The following STK10 variants were observed in gnomAD, a reference collection of about 807,000 sequenced individuals.
The protein encoded by STK10 is serine/threonine-protein kinase 10.
Under a neutral mutation model 113.8 loss-of-function variants are expected in STK10, and 78 were observed. The observed-to-expected ratio is 0.69, with a 90% CI of 0.57 to 0.83. STK10 has a LOEUF of 0.83. Ranked by LOEUF, STK10 falls within the 40% of genes least tolerant of loss-of-function variation. STK10 has a pLI of 0.00. For missense variants in STK10, 1,109 were observed against 1,280.1 expected, an observed-to-expected ratio of 0.87 and a Z score of 2.04; for synonymous variants, 465 against 494.7, an observed-to-expected ratio of 0.94 and a Z score of 0.80.
Position 172,120,615 on chromosome 5 carries a change from C to A in STK10, c.371-2985G>T, listed in dbSNP as rs1448961049. On this transcript the variant is annotated intron_variant, in intron 3 of 18. Transcript: ENST00000176763. This position sits in a 1 kb window ranked among gnomAD's most constrained non-coding sequence, Gnocchi z 4.0. ...CTGGCAAGTCGCCCAAGCTCTCTGG[C>A]CCTTCATTTCCTGGTCTGTGAAATG... 6.6e-6 allele frequency among the ~76,000 whole-genome samples: 1 copy of A among 152,178 alleles called. No individual in the cohort carries two copies. Among genetic ancestry groups the A allele is most frequent in the Non-Finnish European group, 1.5e-5 (1 of 68,036 alleles).
At chr5:172,151,017 C>T (rs998173572) in intron 2 of STK10, among the ~76,000 whole-genome samples, 6 of 152,234 alleles carry the variant, frequency 3.9e-5, no homozygotes, top group African/African-American at 1.4e-4. Context: ...CAGTGCATAT[C>T]TACCATGGAC....
intron 2 of STK10, among the ~76,000 whole-genome samples, chr5:172,152,490 GCAGT>G (rs559645601): frequency 1.0e-3 from 158 of 152,296 alleles, no homozygotes; most frequent in African/African-American, 3.7e-3. Flanking sequence ...AGGCCTTCTT[GCAGT>G]CACTCATTTT....
intron 7 of STK10, among the ~76,000 whole-genome samples, chr5:172,103,522 GC>G (rs1561808588): frequency 1.3e-5 from 2 of 152,086 alleles, no homozygotes; most frequent in Non-Finnish European, 2.9e-5. Context: ...GGCAGGAGGT[GC>G]CTCTTACAGG....
chr5:172,181,959 T>C (rs1201559512), intron 1 of STK10, among the ~76,000 whole-genome samples: 1 of 152,206 alleles, frequency 6.6e-6, no homozygotes, highest in Non-Finnish European at 1.5e-5. Context: ...TTCTTCTTAA[T>C]TGCTGCTATT....
In STK10 at chr5:172,133,059, A is replaced by G. The variant is rs1769788519; in HGVS notation, c.322-5638T>C. ...CAGAACACAGAAGCAGAGGTGGGGC[A>G]GCAGGGAAAAGCGTGGAAGCGGGTA... On this transcript the variant is annotated intron_variant, in intron 2 of 18. Transcript: ENST00000176763. The surrounding 1 kb of genome is among the most constrained non-coding windows in gnomAD (Gnocchi z 4.9). 6.6e-6 allele frequency among the ~76,000 whole-genome samples: 1 copy of G among 152,238 alleles called. No individual in the cohort carries two copies.
At chr5:172,139,185 A>C (rs1206698457) in intron 2 of STK10, among the ~76,000 whole-genome samples, 1 of 152,158 alleles carries the variant, frequency 6.6e-6, no homozygotes, top group Non-Finnish European at 1.5e-5. Context: ...AAATAGAAAA[A>C]TCTATCCTAA....
intron 7 of STK10, among the ~76,000 whole-genome samples, chr5:172,097,976 T>C (rs572054364): frequency 6.6e-6 from 1 of 152,248 alleles, no homozygotes; most frequent in African/African-American, 2.4e-5. Flanking sequence ...CCCACCACGC[T>C]CACCGAAGGC....
At chr5:172,182,131 C>T (rs565113376) in intron 1 of STK10, among the ~76,000 whole-genome samples, 158 of 151,806 alleles carry the variant, frequency 1.0e-3, no homozygotes, top group Non-Finnish European at 1.8e-3. Flanking sequence ...GGTAAAACCC[C>T]GTCTCTACTA....
chr5:172,045,108 G>A, intron 18 of STK10, 86 bp from the exon 19 acceptor site: 1 of 1,555,938 alleles, frequency 6.4e-7, no homozygotes, highest in East Asian at 2.2e-5. Flanking sequence ...CACTGACATG[G>A]CCTTCTCTGG....
At chr5:172,179,059 G>A (rs1342094139) in intron 1 of STK10, among the ~76,000 whole-genome samples, 4 of 152,184 alleles carry the variant, frequency 2.6e-5, no homozygotes, top group African/African-American at 4.8e-5. Flanking sequence ...TCAACACCGA[G>A]GTATTCCTGC....
intron 4 of STK10, among the ~76,000 whole-genome samples, chr5:172,108,530 C>T (rs112073967): frequency 0.028 from 4,209 of 150,646 alleles, 193 homozygotes; most frequent in African/African-American, 0.098. Flanking sequence ...GCACAAAAAT[C>T]GCTTGAACCC....
At chr5:172,116,580 G>GT (rs1769389167) in intron 4 of STK10, among the ~76,000 whole-genome samples, 1 of 151,886 alleles carries the variant, frequency 6.6e-6, no homozygotes, top group Non-Finnish European at 1.5e-5. Flanking sequence ...AAAGAAGAAG[G>GT]TTTTGAGCCG....
chr5:172,183,120 TCCC>T (rs1770892656), intron 1 of STK10, among the ~76,000 whole-genome samples: 1 of 152,078 alleles, frequency 6.6e-6, no homozygotes, highest in African/African-American at 2.4e-5. Context: ...GACAGGAGGA[TCCC>T]TTGAGCCCAG....
chr5:172,056,995 GAGAAAGAAGGAAAGAAAGAAAGAA>G (rs1767810026), intron 15 of STK10: 1 of 69,664 alleles, frequency 1.4e-5, no homozygotes, highest in African/African-American at 6.1e-5. Context: ...AAGAAAGAAA[GAGAAAGAAGGAAAGAAAGAAAGAA>G]AGAAAGAAAG....
chr5:172,101,234 G>A (rs1183188338), intron 7 of STK10, among the ~76,000 whole-genome samples: 5 of 152,150 alleles, frequency 3.3e-5, no homozygotes, highest in African/African-American at 1.2e-4. Flanking sequence ...ACTTTGGGAG[G>A]CTGAGGCAAG....
chr5:172,048,622 TCAAGATACCACCCTAGTC>T (rs746010666), intron 18 of STK10, among the ~76,000 whole-genome samples: 63 of 110,200 alleles, frequency 5.7e-4, no homozygotes, highest in African/African-American at 3.2e-3. Flanking sequence ...CCATCCTAGT[TCAAGATACCACCCTAGTC>T]CAAGCTGCCA....
At chr5:172,065,278 G>A (rs1031049893) in intron 12 of STK10, among the ~76,000 whole-genome samples, 5 of 151,006 alleles carry the variant, frequency 3.3e-5, no homozygotes, top group East Asian at 2.0e-4. Flanking sequence ...AACACTAGCC[G>A]GGCTGAAAAT....
chr5:172,108,560 G>A (rs1023429550), intron 4 of STK10, among the ~76,000 whole-genome samples: 3 of 149,550 alleles, frequency 2.0e-5, no homozygotes, highest in Admixed American at 2.0e-4. Flanking sequence ...AGGCTGCAGG[G>A]AGCTGCAATC....
intron 18 of STK10, among the ~76,000 whole-genome samples, chr5:172,048,301 C>G (rs1767538816): frequency 6.6e-6 from 1 of 152,100 alleles, no homozygotes; most frequent in Admixed American, 6.6e-5. Flanking sequence ...ACAGCAACAA[C>G]AACTGGGTCT....
Sources: allele counts gnomAD v4.1 joint callset (sites outside exome capture counted in the v4.1 genomes callset), GRCh38; gene constraint gnomAD v4.1.1; non-coding constraint Gnocchi (gnomAD v3.1); transcripts MANE v1.5; gene names NCBI Gene and HGNC (gene_info 2026-07-23, HGNC 2026-07-21).